Variants in CAT observed in about 807,000 individuals in gnomAD.
CAT encodes the protein epididymis secretory sperm binding protein.
CAT carries 43 observed loss-of-function variants against 59.0 expected under a neutral mutation model. That is an observed-to-expected ratio of 0.73 (90% CI 0.57 to 0.94). CAT has a LOEUF of 0.94. Among genes scored for constraint, CAT ranks in the 40% least tolerant of loss-of-function variants. The pLI is 0.00. For synonymous variants in CAT, 218 were observed against 230.9 expected (o/e 0.94, Z 0.51); for missense variants, 664 against 682.9 (o/e 0.97, Z 0.31).
At chr11:34,457,108 A>C (rs1856600016) in intron 8 of CAT, 1 of 409,618 alleles carries the variant, frequency 2.4e-6, no homozygotes, top group Middle Eastern at 7.1e-4. Flanking sequence ...AAATACCTTA[A>C]GTATTGATAG....
At chr11:34,444,032 A>G (rs900139796) in intron 1 of CAT, among the ~76,000 whole-genome samples, 2 of 152,096 alleles carry the variant, frequency 1.3e-5, no homozygotes, top group Admixed American at 1.3e-4. Context: ...GGGTAGGTCT[A>G]TGCAAACCTA....
rs1856516510 is a variant in CAT at position 34,450,913 on chromosome 11, A to AC, written c.239-72dup. 3.6e-5 allele frequency: 34 copies of AC among 949,848 alleles called. No homozygotes were observed. The South Asian group carries it at 4.2e-4, about 12-fold the overall frequency. 58.8% of individuals were successfully genotyped at this position (949,848 alleles called of 1,614,324 possible). A position where few individuals can be genotyped will look rare whatever the true frequency, so the allele number is the denominator to read the frequency against. On this transcript the variant is annotated intron_variant, in intron 2 of 12. Coordinates refer to ENST00000241052, the MANE Select transcript of CAT (RefSeq NM_001752.4). Reference sequence around the variant, plus strand: ...GTGCTAACCATCATTTTCTCTTGTCACCCAGGTGCCTGTTGAGGACCTGAA... The same window carrying AC: ...GTGCTAACCATCATTTTCTCTTGTCACCCCAGGTGCCTGTTGAGGACCTGAA...
intron 10 of CAT, among the ~76,000 whole-genome samples, chr11:34,465,887 G>C (rs1856709550): frequency 6.6e-6 from 1 of 152,196 alleles, no homozygotes; most frequent in Admixed American, 6.5e-5. Flanking sequence ...AAGGATTTAA[G>C]GGACCAAGAT....
intron 8 of CAT, among the ~76,000 whole-genome samples, chr11:34,459,820 T>C (rs1856629019): frequency 6.6e-6 from 1 of 152,252 alleles, no homozygotes; most frequent in Non-Finnish European, 1.5e-5. Flanking sequence ...TCTCCTATCC[T>C]GTTGATGGAG....
chr11:34,461,248 C>T lies in CAT; in HGVS notation c.1057-3C>T. ...TCAGTGTCTATTGTATTTATTACTG[C>T]AGGGCCGCCTTTTTGCCTATCCTGA... On this transcript the variant is annotated splice_polypyrimidine_tract_variant and splice_region_variant and intron_variant, in intron 8 of 12. Coordinates refer to ENST00000241052, the MANE Select transcript of CAT (RefSeq NM_001752.4). 1 of 1,614,124 alleles carries T rather than the reference C, an allele frequency of 6.2e-7. No homozygotes were observed. The highest frequency in any genetic ancestry group is 8.5e-7 in the Non-Finnish European group (1 of 1,179,946).
intron 2 of CAT, among the ~76,000 whole-genome samples, chr11:34,449,712 C>G (rs1321387108): frequency 2.1e-4 from 32 of 152,128 alleles, no homozygotes; most frequent in Admixed American, 2.0e-3. Context: ...TTGACGTAAG[C>G]AAGAGTTAAG....
intron 1 of CAT, among the ~76,000 whole-genome samples, chr11:34,446,187 C>T (rs755003686): frequency 5.3e-5 from 8 of 152,130 alleles, no homozygotes; most frequent in Non-Finnish European, 7.3e-5. Flanking sequence ...AGTTTTTGCT[C>T]CCTGGCTTCC....
chr11:34,449,179 T>C lies in CAT; in HGVS notation c.67-13T>C. 6.2e-7 allele frequency: 1 copy of C among 1,613,374 alleles called. No individual in the cohort carries two copies. The highest frequency in any genetic ancestry group is 8.5e-7 in the Non-Finnish European group (1 of 1,179,244). On this transcript the variant is annotated splice_polypyrimidine_tract_variant and intron_variant, in intron 1 of 12. Transcript: ENST00000241052. Reference sequence around the variant, plus strand: ...TGCTAACTCTCCTGCACTTTCTTTCTGTGTTCCTGTAGAAAGCTGATGTCC... The same window carrying C: ...TGCTAACTCTCCTGCACTTTCTTTCCGTGTTCCTGTAGAAAGCTGATGTCC...
At chr11:34,440,206 A>G (rs547267930) in intron 1 of CAT, among the ~76,000 whole-genome samples, 2 of 152,328 alleles carry the variant, frequency 1.3e-5, no homozygotes, top group African/African-American at 4.8e-5. Flanking sequence ...TATTAATGCT[A>G]AGTGCTCATG....
intron 5 of CAT, among the ~76,000 whole-genome samples, chr11:34,453,558 T>G (rs1590302939): frequency 6.6e-6 from 1 of 152,192 alleles, no homozygotes; most frequent in Non-Finnish European, 1.5e-5. Context: ...TTTCAGGTTG[T>G]TTTGGCTTTC....
chr11:34,457,106 T>A (rs577049615), intron 8 of CAT: 7 of 413,020 alleles, frequency 1.7e-5, no homozygotes, highest in Admixed American at 8.1e-5. Context: ...AGAAATACCT[T>A]AAGTATTGAT....
At chr11:34,458,848 C>T (rs1359627444) in intron 8 of CAT, among the ~76,000 whole-genome samples, 1 of 152,180 alleles carries the variant, frequency 6.6e-6, no homozygotes, top group African/African-American at 2.4e-5. Context: ...TACGTATTCT[C>T]TACATTCCTA....
intron 1 of CAT, among the ~76,000 whole-genome samples, chr11:34,444,037 A>T (rs973377774): frequency 6.6e-6 from 1 of 152,086 alleles, no homozygotes; most frequent in Non-Finnish European, 1.5e-5. Flanking sequence ...GGTCTATGCA[A>T]ACCTACCCCC....
At chr11:34,465,450 A>G (rs940630580) in intron 10 of CAT, among the ~76,000 whole-genome samples, 20 of 152,182 alleles carry the variant, frequency 1.3e-4, no homozygotes, top group African/African-American at 4.6e-4. Context: ...GATGCAGATG[A>G]CACCAAGTAT....
At chr11:34,464,029 C>A (rs1021468997) in intron 9 of CAT, 76 bp from the exon 10 acceptor site, 86 of 1,427,148 alleles carry the variant, frequency 6.0e-5, no homozygotes, top group Non-Finnish European at 8.3e-5. Flanking sequence ...GAATTTATTT[C>A]TCATCACAGT....
intron 4 of CAT, 58 bp downstream of exon 4, chr11:34,452,265 A>G: frequency 6.5e-7 from 1 of 1,545,672 alleles, no homozygotes; most frequent in Non-Finnish European, 8.9e-7. Context: ...TTGATTTCAA[A>G]TAGGTTGGCA....
intron 7 of CAT, among the ~76,000 whole-genome samples, 190 bp from the exon 8 acceptor site, chr11:34,456,475 A>G (rs1856591054): frequency 6.6e-6 from 1 of 152,210 alleles, no homozygotes; most frequent in Non-Finnish European, 1.5e-5. Flanking sequence ...TTCCTGGGGA[A>G]ACTGTCAGTA....
At chr11:34,468,579 T>C (rs1167216587) in intron 11 of CAT, 184 bp downstream of exon 11, 2 of 636,768 alleles carry the variant, frequency 3.1e-6, no homozygotes, top group African/African-American at 3.7e-5. Context: ...TTTTATCTGG[T>C]CTGGCATATC....
intron 2 of CAT, 110 bp downstream of exon 2, chr11:34,449,473 G>A (rs1856497074): frequency 1.1e-6 from 1 of 910,226 alleles, no homozygotes; most frequent in Non-Finnish European, 1.7e-6. Flanking sequence ...ATCTCCATTT[G>A]TGGGAGAAAG....
Sources: gnomAD v4.1 joint callset for allele counts (sites outside exome capture counted in the v4.1 genomes callset) on GRCh38, gnomAD v4.1.1 for gene constraint, MANE v1.5 for transcripts, NCBI Gene and HGNC (gene_info 2026-07-23, HGNC 2026-07-21) for gene names.